The following ST6GALNAC5 variants were observed in gnomAD, a reference collection of about 807,000 sequenced individuals.
The protein encoded by ST6GALNAC5 is alpha-N-acetylgalactosaminide alpha-2,6-sialyltransferase 5.
ST6GALNAC5 carries 27 observed loss-of-function variants against 33.6 expected under a neutral mutation model. That is an observed-to-expected ratio of 0.80 (90% CI 0.59 to 1.11). ST6GALNAC5 has a LOEUF of 1.11. Among genes scored for constraint, ST6GALNAC5 ranks in the 50% least tolerant of loss-of-function variants. The probability of loss-of-function intolerance (pLI) is 0.00; values close to 1 mark genes in which losing one functional copy is unlikely to be tolerated. For synonymous variants in ST6GALNAC5, 194 were observed against 171.2 expected, an observed-to-expected ratio of 1.13 and a Z score of -1.04; for missense variants, 428 against 454.0, an observed-to-expected ratio of 0.94 and a Z score of 0.52.
chr1:76,998,823 G>A (rs1650035928), intron 2 of ST6GALNAC5, among the ~76,000 whole-genome samples: 1 of 152,174 alleles, frequency 6.6e-6, no homozygotes, highest in African/African-American at 2.4e-5. Flanking sequence ...ATGTGGAATA[G>A]TTTCTGCCGT....
intron 2 of ST6GALNAC5, among the ~76,000 whole-genome samples, chr1:77,007,555 C>T (rs1212066305): frequency 1.3e-5 from 2 of 152,154 alleles, no homozygotes; most frequent in African/African-American, 4.8e-5. Context: ...TTGTGGTTGT[C>T]ATTGTTTAAA....
intron 4 of ST6GALNAC5, among the ~76,000 whole-genome samples, chr1:77,052,356 C>A (rs1652250230): frequency 6.6e-6 from 1 of 152,192 alleles, no homozygotes; most frequent in African/African-American, 2.4e-5. Flanking sequence ...ATTTCCAGGA[C>A]ATGTTGACTG....
At chr1:77,054,206 G>A (rs1445171025) in intron 4 of ST6GALNAC5, among the ~76,000 whole-genome samples, 1 of 152,194 alleles carries the variant, frequency 6.6e-6, no homozygotes, top group East Asian at 1.9e-4. Context: ...CGAGGTGCCT[G>A]TGGGAGAAGA....
chr1:76,983,215 G>T (rs1649330714), intron 2 of ST6GALNAC5, among the ~76,000 whole-genome samples: 1 of 152,080 alleles, frequency 6.6e-6, no homozygotes, highest in Non-Finnish European at 1.5e-5. Flanking sequence ...ACACAGACTG[G>T]CAAATTGGAT....
intron 2 of ST6GALNAC5, among the ~76,000 whole-genome samples, chr1:76,885,646 T>A (rs1027453647): frequency 6.6e-6 from 1 of 152,248 alleles, no homozygotes; most frequent in Non-Finnish European, 1.5e-5. Flanking sequence ...AGAGTTGGAA[T>A]AATTAGGAAA....
intron 2 of ST6GALNAC5, among the ~76,000 whole-genome samples, chr1:77,038,428 C>T (rs971721729): frequency 6.6e-6 from 1 of 152,198 alleles, no homozygotes; most frequent in African/African-American, 2.4e-5. Flanking sequence ...CACCTGAAGC[C>T]ATTTAATATG....
chr1:77,034,719 C>T (rs1214454721), intron 2 of ST6GALNAC5, among the ~76,000 whole-genome samples: 1 of 152,176 alleles, frequency 6.6e-6, no homozygotes, highest in Non-Finnish European at 1.5e-5. Flanking sequence ...CAGAGGAAGG[C>T]AGCCTGCAGA....
chr1:77,004,290 C>A (rs1280328912), intron 2 of ST6GALNAC5, among the ~76,000 whole-genome samples: 1 of 150,116 alleles, frequency 6.7e-6, no homozygotes, highest in Admixed American at 6.6e-5. Flanking sequence ...GCATCAGCTC[C>A]TGAGGCTTCT....
chr1:77,010,522 AC>A (rs1363055849), intron 2 of ST6GALNAC5, among the ~76,000 whole-genome samples: 1 of 151,718 alleles, frequency 6.6e-6, no homozygotes, highest in African/African-American at 2.4e-5. Context: ...AATAAAAATA[AC>A]CTTGCCTCGT....
intron 2 of ST6GALNAC5, among the ~76,000 whole-genome samples, chr1:76,894,696 A>G (rs1389487812): frequency 2.0e-5 from 3 of 152,188 alleles, no homozygotes; most frequent in African/African-American, 7.2e-5. Flanking sequence ...TTAAAATCCT[A>G]CCAAATACGT....
chr1:76,899,688 T>C (rs1646796194), intron 2 of ST6GALNAC5, among the ~76,000 whole-genome samples: 1 of 151,998 alleles, frequency 6.6e-6, no homozygotes, highest in African/African-American at 2.4e-5. Context: ...GATAAAAGTG[T>C]CTCCTTTGTC....
intron 2 of ST6GALNAC5, among the ~76,000 whole-genome samples, chr1:77,016,161 TCCTCCTCCTCCTGTCCTCCC>T (rs879577604): frequency 0.54 from 6,052 of 11,188 alleles, 848 homozygotes; most frequent in Middle Eastern, 0.62. Context: ...TATCTTCCCC[TCCTCCTCCTCCTGTCCTCCC>T]CCTCCTCCTC....
intron 2 of ST6GALNAC5, among the ~76,000 whole-genome samples, chr1:76,970,031 C>A (rs1648679432): frequency 6.6e-6 from 1 of 151,998 alleles, no homozygotes; most frequent in Admixed American, 6.6e-5. Flanking sequence ...ACATCCACAC[C>A]AAAACCCCAT....
chr1:77,027,155 C>T (rs1304706453), intron 2 of ST6GALNAC5, among the ~76,000 whole-genome samples: 1 of 152,216 alleles, frequency 6.6e-6, no homozygotes, highest in Non-Finnish European at 1.5e-5. Flanking sequence ...TTTCACGGTT[C>T]TGTAATGTAC....
intron 2 of ST6GALNAC5, among the ~76,000 whole-genome samples, chr1:76,924,819 C>A (rs1159986549): frequency 6.6e-6 from 1 of 152,100 alleles, no homozygotes; most frequent in Non-Finnish European, 1.5e-5. Context: ...TGTACAGACC[C>A]ATGAGCAGCA....
At chr1:76,943,638 C>T (rs959781245) in intron 2 of ST6GALNAC5, among the ~76,000 whole-genome samples, 2 of 152,082 alleles carry the variant, frequency 1.3e-5, no homozygotes, top group African/African-American at 4.8e-5. Context: ...ACAGAACATG[C>T]AACCTTTGAA....
At chr1:77,000,673 G>T (rs1045855432) in intron 2 of ST6GALNAC5, among the ~76,000 whole-genome samples, 3 of 150,504 alleles carry the variant, frequency 2.0e-5, no homozygotes, top group Non-Finnish European at 4.4e-5. Flanking sequence ...TTTGTATAAG[G>T]TGTAAGGAAG....
rs1283260178 is a variant in ST6GALNAC5 at position 77,065,492 on chromosome 1, A to T, written c.*2286A>T. 2 of 152,240 alleles carry T rather than the reference A, an allele frequency of 1.3e-5. No homozygotes were observed. Among genetic ancestry groups the T allele is most frequent in the African/African-American group, 4.8e-5 (2 of 41,460 alleles). The allele number at this position is 152,240 out of a possible 1,614,324, so 9.4% of individuals were successfully genotyped here. On this transcript the variant is annotated 3_prime_UTR_variant, in exon 5 of 5. Transcript: ENST00000477717. ...TTTTAAATCTACATGTAGCTAGGATATGTGATTTCATATTTTTTAAAAATG... is the reference window on the plus strand; with the variant it reads ...TTTTAAATCTACATGTAGCTAGGATTTGTGATTTCATATTTTTTAAAAATG...
chr1:76,915,507 G>A (rs560415555), intron 2 of ST6GALNAC5, among the ~76,000 whole-genome samples: 11 of 152,166 alleles, frequency 7.2e-5, no homozygotes, highest in South Asian at 2.1e-4. Context: ...GGAATACTAC[G>A]CAGCCATAAA....
Sources: allele counts gnomAD v4.1 joint callset (sites outside exome capture counted in the v4.1 genomes callset), GRCh38; gene constraint gnomAD v4.1.1; transcripts MANE v1.5; gene names NCBI Gene and HGNC (gene_info 2026-07-23, HGNC 2026-07-21).